MAP4: variants seen among roughly 807,000 people sequenced by gnomAD.
The protein encoded by MAP4 is microtubule associated protein 4.
In MAP4, 76 loss-of-function variants were observed where a neutral mutation model predicts 170.2. That is an observed-to-expected ratio of 0.45 (90% CI 0.37 to 0.54). The LOEUF (loss-of-function observed/expected upper bound fraction) is 0.54. Among genes scored for constraint, MAP4 ranks in the 20% least tolerant of loss-of-function variants. The probability of loss-of-function intolerance (pLI) is 0.00; values close to 1 mark genes in which losing one functional copy is unlikely to be tolerated. For synonymous variants in MAP4, 909 were observed against 994.5 expected (o/e 0.91, Z 1.62); for missense variants, 2,506 against 2,748.0 (o/e 0.91, Z 1.97).
intron 10 of MAP4, among the ~76,000 whole-genome samples, chr3:47,877,931 A>G (rs1354161359): frequency 6.6e-6 from 1 of 152,260 alleles, no homozygotes. Context: ...AAGAGCCAGA[A>G]GATCATTCAA....
intron 1 of MAP4, among the ~76,000 whole-genome samples, chr3:48,078,973 C>T (rs181268296): frequency 6.6e-6 from 1 of 152,152 alleles, no homozygotes; most frequent in Admixed American, 6.5e-5. Context: ...GAGTTTGAGA[C>T]CAGCCTGGGC....
At chr3:47,958,938 T>G (rs1234645456) in intron 3 of MAP4, among the ~76,000 whole-genome samples, 1 of 152,034 alleles carries the variant, frequency 6.6e-6, no homozygotes. Context: ...CAACTCGGCC[T>G]CCCAAAGTGC....
At chr3:48,029,903 T>C (rs2100115076) in intron 1 of MAP4, among the ~76,000 whole-genome samples, 1 of 150,354 alleles carries the variant, frequency 6.7e-6, no homozygotes, top group Non-Finnish European at 1.5e-5. Context: ...GAGGCTGAGG[T>C]AGGGAAATCG....
chr3:48,005,264 G>A (rs2100101634), intron 1 of MAP4, among the ~76,000 whole-genome samples: 1 of 152,152 alleles, frequency 6.6e-6, no homozygotes, highest in South Asian at 2.1e-4. Context: ...GGCAGGCTGA[G>A]GCAGGAGAAT....
intron 1 of MAP4, among the ~76,000 whole-genome samples, chr3:48,025,670 G>A (rs549265822): frequency 5.7e-4 from 87 of 151,768 alleles, no homozygotes; most frequent in South Asian, 1.7e-3. Context: ...CGGTCAAGGC[G>A]GGCAGCTCAC....
intron 18 of MAP4, among the ~76,000 whole-genome samples, chr3:47,856,453 G>GT (rs1305780327): frequency 3.5e-3 from 517 of 146,974 alleles, no homozygotes; most frequent in African/African-American, 6.0e-3. Flanking sequence ...GGGAAAGGGA[G>GT]TTTTTTTTTT....
rs1019139719 is a variant in MAP4 at position 47,928,359 on chromosome 3, A to G, written c.293-9T>C. 1 of 1,613,498 alleles carries G rather than the reference A, an allele frequency of 6.2e-7. No homozygotes were observed. The highest frequency in any genetic ancestry group is 1.7e-5 in the Admixed American group (1 of 59,892). The stretch of plus-strand genomic sequence containing the variant: ...GAATTCAGTTGGAGACCCTTAAAAT[A>G]GAGACACAAAACAAAAGTTACAAGA... On this transcript the variant is annotated splice_polypyrimidine_tract_variant and intron_variant, in intron 3 of 20. Coordinates refer to ENST00000683076, the MANE Select transcript of MAP4 (RefSeq NM_001385682.1).
In MAP4 at chr3:47,871,949, C is replaced by T. The variant is rs976781900; in HGVS notation, c.5909G>A (p.Ser1970Asn). 9 of 1,613,512 alleles carry T rather than the reference C, an allele frequency of 5.6e-6. No individual in the cohort carries two copies. In the African/African-American group the frequency reaches 8.0e-5, roughly 14 times the overall value. ...CTTCTTGGGCAGGAGCGTGGAGGGG[C>T]TCCTACTGCTTGGGCCAGTTGAGGC... ...AVASTGPSSR[S>N]PSTLLPKKPT... The change falls in exon 13 of 21, where the codon AGC (serine) becomes AAC (asparagine). Residue 1970 changes from serine (S) to asparagine (N), a missense_variant. Coordinates refer to ENST00000683076, the MANE Select transcript of MAP4 (RefSeq NM_001385682.1).
intron 5 of MAP4, among the ~76,000 whole-genome samples, chr3:47,919,949 G>A (rs1403823481): frequency 6.6e-6 from 1 of 151,598 alleles, no homozygotes; most frequent in Non-Finnish European, 1.5e-5. Flanking sequence ...TGTTTGCCCA[G>A]CTAATTTTCT....
At position 47,857,575 on chromosome 3, in the gene MAP4, G is replaced by T. The variant is rs564924742; in HGVS notation, c.6502-63C>A. 4,604 of 1,105,902 alleles carry T rather than the reference G, an allele frequency of 4.2e-3. 39 individuals carry two copies. Among genetic ancestry groups the T allele is most frequent in the East Asian group, 0.014 (577 of 41,976 alleles). The allele number at this position is 1,105,902 out of a possible 1,614,324, so 68.5% of individuals were successfully genotyped here. Reference sequence around the variant, plus strand: ...GGTATACTGTCAGAGCCAACCCCATGCTACCTTTTAAATCTTCTCCATGTT... The same window carrying T: ...GGTATACTGTCAGAGCCAACCCCATTCTACCTTTTAAATCTTCTCCATGTT... On this transcript the variant is annotated intron_variant, in intron 17 of 20. Transcript: ENST00000683076.
At chr3:47,981,112 A>C (rs1362916867) in intron 2 of MAP4, among the ~76,000 whole-genome samples, 2 of 152,248 alleles carry the variant, frequency 1.3e-5, no homozygotes, top group Non-Finnish European at 2.9e-5. Flanking sequence ...AAAAAAGTGA[A>C]TATAAACAGA....
chr3:47,950,448 A>G (rs1578180373), intron 3 of MAP4, among the ~76,000 whole-genome samples: 1 of 152,208 alleles, frequency 6.6e-6, no homozygotes, highest in Admixed American at 6.5e-5. Context: ...AATCCAGGAC[A>G]TGCAAGATCG....
In MAP4 at chr3:47,852,380, G is replaced by C. The variant is rs550646708; in HGVS notation, c.*554C>G. ...GGGCCCGACACCACCTGCATGGGGAGGGGGGGGCGCCCATTTGTGGGACCA... is the reference window on the plus strand; with the variant it reads ...GGGCCCGACACCACCTGCATGGGGACGGGGGGGCGCCCATTTGTGGGACCA... On this transcript the variant is annotated 3_prime_UTR_variant, in exon 21 of 21. Coordinates refer to ENST00000683076, the MANE Select transcript of MAP4 (RefSeq NM_001385682.1). The C allele has an allele frequency of 3.4e-3, 623 of 180,868 alleles. 6 individuals carry two copies. The highest frequency in any genetic ancestry group is 0.014 in the African/African-American group (585 of 41,356). 11.2% of individuals were successfully genotyped at this position (180,868 alleles called of 1,614,324 possible). A position where few individuals can be genotyped will look rare whatever the true frequency, so the allele number is the denominator to read the frequency against.
intron 5 of MAP4, among the ~76,000 whole-genome samples, chr3:47,921,300 T>C (rs2100042726): frequency 6.6e-6 from 1 of 152,196 alleles, no homozygotes; most frequent in Non-Finnish European, 1.5e-5. Flanking sequence ...TGTTGATTGT[T>C]TGGCATTAAA....
intron 10 of MAP4, chr3:47,891,177 C>A (rs145248432): frequency 1.3e-6 from 2 of 1,536,198 alleles, no homozygotes; most frequent in African/African-American, 2.7e-5. Flanking sequence ...TCACTAAAAT[C>A]TTCCTGCCCT....
At chr3:48,034,559 C>T (rs2100117824) in intron 1 of MAP4, among the ~76,000 whole-genome samples, 1 of 151,864 alleles carries the variant, frequency 6.6e-6, no homozygotes, top group African/African-American at 2.4e-5. Flanking sequence ...AAAAAAAGAG[C>T]TAAGCATTGT....
chr3:48,070,123 C>A (rs960067929), intron 1 of MAP4, among the ~76,000 whole-genome samples: 1 of 151,936 alleles, frequency 6.6e-6, no homozygotes, highest in East Asian at 1.9e-4. Flanking sequence ...ACAGACACCA[C>A]CATGGCTAGA....
intron 10 of MAP4, among the ~76,000 whole-genome samples, chr3:47,899,168 C>G (rs2100028665): frequency 6.6e-6 from 1 of 152,108 alleles, no homozygotes; most frequent in Non-Finnish European, 1.5e-5. Context: ...GTGAGCCTGC[C>G]TAGGTAAAAA....
At position 47,910,503 on chromosome 3, in the gene MAP4, T is replaced by C; in HGVS notation, c.3918A>G (p.Ile1306Met). Residue 1306 changes from isoleucine (I) to methionine (M), a missense_variant, in exon 9 of 21, where the codon ATA becomes ATG. By Grantham distance (10) the Ile-to-Met change is conservative. This residue lies in a region of MAP4 where 2,008 missense variants were observed against 2,206.0 expected (regional missense o/e 0.91). Coordinates refer to ENST00000683076, the MANE Select transcript of MAP4 (RefSeq NM_001385682.1). The stretch of plus-strand genomic sequence containing the variant: ...TAACAGTAGAAGCCTTGACTGTGCT[T>C]ATCTTGTTTTCCCCAAGAGTCCCAA... ...VELGTLGENK[I>M]STVKASTVTE... 6.5e-7 allele frequency: 1 copy of C among 1,536,086 alleles called. No individual in the cohort carries two copies. The highest frequency in any genetic ancestry group is 8.7e-7 in the Non-Finnish European group (1 of 1,146,898).
Sources: allele counts gnomAD v4.1 joint callset (sites outside exome capture counted in the v4.1 genomes callset), GRCh38; gene constraint gnomAD v4.1.1; regional missense constraint gnomAD v4.1.1; transcripts MANE v1.5; gene names NCBI Gene and HGNC (gene_info 2026-07-23, HGNC 2026-07-21).